COL6A6: variants seen among roughly 807,000 people sequenced by gnomAD.
The protein encoded by COL6A6 is collagen type VI alpha 6 chain.
A neutral mutation model predicts 208.6 loss-of-function variants in COL6A6; 183 were observed. That is an observed-to-expected ratio of 0.88 (90% CI 0.78 to 0.99). The LOEUF (loss-of-function observed/expected upper bound fraction) is 0.99. Ranked by LOEUF, COL6A6 falls within the 50% of genes least tolerant of loss-of-function variation. The probability of loss-of-function intolerance (pLI) is 0.00; values close to 1 mark genes in which losing one functional copy is unlikely to be tolerated. For missense variants in COL6A6, 2,816 were observed against 2,815.2 expected (o/e 1.00, Z -0.01); for synonymous variants, 973 against 1,011.8 (o/e 0.96, Z 0.73).
chr3:130,627,058 A>T (rs1199790602), intron 25 of COL6A6, among the ~76,000 whole-genome samples: 1 of 152,182 alleles, frequency 6.6e-6, no homozygotes, highest in East Asian at 1.9e-4. Context: ...TTTAATCCTC[A>T]TGACAACCCA....
intron 27 of COL6A6, among the ~76,000 whole-genome samples, chr3:130,635,068 C>G (rs181854343): frequency 6.6e-6 from 1 of 151,988 alleles, no homozygotes; most frequent in African/African-American, 2.4e-5. Flanking sequence ...AACCCCATCT[C>G]TACGAAAAAT....
intron 23 of COL6A6, among the ~76,000 whole-genome samples, chr3:130,612,900 T>C (rs919271694): frequency 2.0e-5 from 3 of 152,232 alleles, no homozygotes; most frequent in Non-Finnish European, 4.4e-5. Flanking sequence ...TTTGCTTAAG[T>C]TCCTTAAGAT....
chr3:130,661,804 G>A lies in COL6A6; in HGVS notation c.5998G>A (p.Glu2000Lys). The A allele has an allele frequency of 6.2e-7, 1 of 1,613,922 alleles. No homozygotes were observed. Among genetic ancestry groups the A allele is most frequent in the Non-Finnish European group, 8.5e-7 (1 of 1,179,876 alleles). The change falls in exon 35 of 37, where the codon GAG becomes AAG. Residue 2000 changes from glutamate (E) to lysine (K), a missense_variant. Transcript: ENST00000358511. ...ATTAGATCACTTTGAAATCACCCCA[G>A]AGCCGGAGACTTCTGTCACTGGAGA... is the stretch of plus-strand genomic sequence containing the variant. ...ALLDHFEITP[E>K]PETSVTGDRV...
At chr3:130,531,288 TAGC>T (rs1433769475) in intron 1 of COL6A6, among the ~76,000 whole-genome samples, 9 of 149,052 alleles carry the variant, frequency 6.0e-5, no homozygotes, top group Non-Finnish European at 8.8e-5. Flanking sequence ...AACATCCTAT[TAGC>T]AGCATACTAA....
intron 31 of COL6A6, 127 bp from the exon 32 acceptor site, chr3:130,644,864 C>T: frequency 6.1e-6 from 5 of 822,850 alleles, no homozygotes; most frequent in Non-Finnish European, 8.4e-6. Context: ...TTTCTCCAAA[C>T]TCTGTTGCCT....
At chr3:130,557,638 A>G (rs937951120) in intron 1 of COL6A6, among the ~76,000 whole-genome samples, 1 of 152,228 alleles carries the variant, frequency 6.6e-6, no homozygotes, top group African/African-American at 2.4e-5. Context: ...TATCCTGCAT[A>G]CCTTATTTTA....
chr3:130,666,282 GGAT>G (rs2066072829), intron 36 of COL6A6, among the ~76,000 whole-genome samples: 1 of 152,120 alleles, frequency 6.6e-6, no homozygotes, highest in South Asian at 2.1e-4. Context: ...ACAATATGTT[GGAT>G]GATATTATTG....
intron 1 of COL6A6, among the ~76,000 whole-genome samples, chr3:130,531,543 C>T (rs927717364): frequency 5.3e-5 from 8 of 152,214 alleles, no homozygotes; most frequent in Non-Finnish European, 1.2e-4. Context: ...AAAACACTGT[C>T]CACAAAGTCT....
rs376333031 is a variant in COL6A6 at position 130,568,504 on chromosome 3, G to T, written c.2301G>T (p.Glu767Asp). The T allele has an allele frequency of 3.7e-6, 6 of 1,613,568 alleles. No homozygotes were observed. The highest frequency in any genetic ancestry group is 4.2e-6 in the Non-Finnish European group (5 of 1,179,880). ...GCTCCAATGTCACCCAGCTTGAGGA[G>T]ATCAGTGGGAGGCCCGAGATGGTTT... is the stretch of plus-strand genomic sequence containing the variant. ...VFGSNVTQLE[E>D]ISGRPEMVFY... Residue 767 changes from glutamate (E) to aspartate (D), a missense_variant, in exon 6 of 37, where the codon GAG (glutamate) becomes GAT (aspartate). Coordinates refer to ENST00000358511, the MANE Select transcript of COL6A6 (RefSeq NM_001102608.3).
chr3:130,588,748 A>G (rs73198037), intron 11 of COL6A6, among the ~76,000 whole-genome samples: 1 of 152,282 alleles, frequency 6.6e-6, no homozygotes, highest in Non-Finnish European at 1.5e-5. Context: ...ACAATATCAT[A>G]GTCAGTGCTA....
chr3:130,622,928 G>C (rs987518789), intron 24 of COL6A6, among the ~76,000 whole-genome samples: 4 of 151,890 alleles, frequency 2.6e-5, no homozygotes, highest in Admixed American at 2.6e-4. Context: ...AAGGGAATGG[G>C]GGGACTGTAA....
intron 23 of COL6A6, among the ~76,000 whole-genome samples, chr3:130,618,015 C>A (rs2064587138): frequency 6.6e-6 from 1 of 152,150 alleles, no homozygotes; most frequent in Non-Finnish European, 1.5e-5. Context: ...GTAACTAATA[C>A]TCAACCTGAG....
At chr3:130,586,210 C>T (rs2063537393) in intron 10 of COL6A6, among the ~76,000 whole-genome samples, 1 of 152,192 alleles carries the variant, frequency 6.6e-6, no homozygotes, top group African/African-American at 2.4e-5. Flanking sequence ...TTTCTCTTTA[C>T]TTTAGCATGC....
At chr3:130,648,783 C>G (rs1184668799) in intron 32 of COL6A6, among the ~76,000 whole-genome samples, 2 of 152,088 alleles carry the variant, frequency 1.3e-5, no homozygotes, top group African/African-American at 2.4e-5. Context: ...TCCAGGAGCT[C>G]TCTATTGTTT....
chr3:130,642,500 G>A (rs1467074330), intron 29 of COL6A6, among the ~76,000 whole-genome samples: 2 of 152,140 alleles, frequency 1.3e-5, no homozygotes, highest in African/African-American at 4.8e-5. Flanking sequence ...TAGTCCTGAG[G>A]CGTAGGCGTG....
In COL6A6 at chr3:130,641,700, C is replaced by T. The variant is rs2065314180; in HGVS notation, c.5140C>T (p.Pro1714Ser). ...GEMGSPGEPG[P>S]PGRKGVKGAK... is the part of the protein sequence containing the mutation. Reference sequence around the variant, plus strand: ...GATGGGATCCCCTGGGGAACCAGGACCTCCTGGACGTAAGGTAAGTAGAAA... The same window carrying T: ...GATGGGATCCCCTGGGGAACCAGGATCTCCTGGACGTAAGGTAAGTAGAAA... Residue 1714 changes from proline (P) to serine (S), a missense_variant, in exon 29 of 37, where the codon CCT (proline) becomes TCT (serine). Physicochemically the swap from Pro to Ser is moderately conservative, Grantham distance 74 (BLOSUM62 -1). Coordinates refer to ENST00000358511, the MANE Select transcript of COL6A6 (RefSeq NM_001102608.3). 2 of 1,594,910 alleles carry T rather than the reference C, an allele frequency of 1.3e-6. No homozygotes were observed. Among genetic ancestry groups the T allele is most frequent in the Non-Finnish European group, 1.7e-6 (2 of 1,164,274 alleles).
chr3:130,591,050 G>T lies in COL6A6; in HGVS notation c.4228G>T (p.Gly1410Cys), dbSNP rs751975584. Reference sequence around the variant, plus strand: ...CTTTTCTTATTTCCAGGGACCTCCAGGTTTTAAAGGCAGTGAAGGCTACCT... The same window carrying T: ...CTTTTCTTATTTCCAGGGACCTCCATGTTTTAAAGGCAGTGAAGGCTACCT... Reference protein sequence around the residue: ...PGPPGKRGPPGFKGSEGYLGE... With the variant: ...PGPPGKRGPPCFKGSEGYLGE... Residue 1410 changes from glycine to cysteine, a missense_variant, in exon 13 of 37, where the codon GGT becomes TGT. Gly to Cys is a radical substitution (Grantham distance 159). Coordinates refer to ENST00000358511, the MANE Select transcript of COL6A6 (RefSeq NM_001102608.3). The T allele has an allele frequency of 3.7e-5, 58 of 1,579,470 alleles. No individual in the cohort carries two copies. The highest frequency in any genetic ancestry group is 3.3e-4 in the Middle Eastern group (2 of 6,038).
At chr3:130,653,043 G>A (rs1176271074) in intron 33 of COL6A6, among the ~76,000 whole-genome samples, 1 of 152,210 alleles carries the variant, frequency 6.6e-6, no homozygotes, top group Non-Finnish European at 1.5e-5. Flanking sequence ...GTGGCAAGCT[G>A]TGCCTTCCTT....
Position 130,592,727 on chromosome 3 carries a change from G to A in COL6A6, c.4371+5G>A. 1 of 1,610,168 alleles carries A rather than the reference G, an allele frequency of 6.2e-7. No homozygotes were observed. Among genetic ancestry groups the A allele is most frequent in the Non-Finnish European group, 8.5e-7 (1 of 1,177,302 alleles). On this transcript the variant is annotated splice_donor_5th_base_variant and intron_variant, in intron 15 of 36. Coordinates refer to ENST00000358511, the MANE Select transcript of COL6A6 (RefSeq NM_001102608.3). ...AGAGGACTAAATGGACAGGAGGTAT[G>A]TTACCAGGCACATCCATTTACCTAC...
Sources: allele counts gnomAD v4.1 joint callset (sites outside exome capture counted in the v4.1 genomes callset), GRCh38; gene constraint gnomAD v4.1.1; transcripts MANE v1.5; gene names NCBI Gene and HGNC (gene_info 2026-07-23, HGNC 2026-07-21).